The following KAZN variants were observed in gnomAD, a reference collection of about 807,000 sequenced individuals.
KAZN encodes the protein kazrin.
Under a neutral mutation model 87.4 loss-of-function variants are expected in KAZN, and 40 were observed. That is an observed-to-expected ratio of 0.46 (90% CI 0.36 to 0.60). The LOEUF is 0.60. Among genes scored for constraint, KAZN ranks in the 20% least tolerant of loss-of-function variants. The pLI is 0.00. For missense variants in KAZN, 898 were observed against 1,073.9 expected, an observed-to-expected ratio of 0.84 and a Z score of 2.29; for synonymous variants, 466 against 458.3, an observed-to-expected ratio of 1.02 and a Z score of -0.22.
intron 1 of KAZN, among the ~76,000 whole-genome samples, chr1:14,617,362 C>T (rs1387232930): frequency 6.6e-6 from 1 of 152,178 alleles, no homozygotes; most frequent in African/African-American, 2.4e-5. Flanking sequence ...GAAAAGTCTA[C>T]ATACCTTCAT....
chr1:14,371,991 AAAG>A (rs1445122128), intron 2 of KAZN, among the ~76,000 whole-genome samples: 2 of 152,238 alleles, frequency 1.3e-5, no homozygotes. Context: ...CTTTCTGCAA[AAAG>A]AAGAATCACT....
chr1:14,136,177 A>G (rs575321858), intron 1 of KAZN, among the ~76,000 whole-genome samples: 2 of 152,224 alleles, frequency 1.3e-5, no homozygotes, highest in East Asian at 1.9e-4. Context: ...CTGGGTGGCT[A>G]TTTGGTTTGT....
intron 1 of KAZN, among the ~76,000 whole-genome samples, chr1:14,085,734 C>T (rs1389119999): frequency 1.3e-5 from 2 of 152,128 alleles, no homozygotes; most frequent in African/African-American, 4.8e-5. Flanking sequence ...ACAAGTCTTT[C>T]TAGGTGGATA....
Position 14,856,980 on chromosome 1 carries a change from G to C in KAZN, c.227-103704G>C, listed in dbSNP as rs919059963. On this transcript the variant is annotated intron_variant, in intron 1 of 14. Coordinates refer to ENST00000376030, the MANE Select transcript of KAZN (RefSeq NM_201628.3). The surrounding 1 kb of genome is among the most constrained non-coding windows in gnomAD (Gnocchi z 5.2). ...CTGCAGAGGATAACAATTTGCACTCGAACAGGAGAACATGGGCATAAATGC... is the reference window on the plus strand; with the variant it reads ...CTGCAGAGGATAACAATTTGCACTCCAACAGGAGAACATGGGCATAAATGC... Among the ~76,000 whole-genome samples the C allele has an allele frequency of 6.6e-6, 1 of 152,118 alleles. No homozygotes were observed. The highest frequency in any genetic ancestry group is 6.5e-5 in the Admixed American group (1 of 15,282).
At chr1:14,610,222 G>C (rs1172354288) in intron 1 of KAZN, among the ~76,000 whole-genome samples, 1 of 152,034 alleles carries the variant, frequency 6.6e-6, no homozygotes, top group Non-Finnish European at 1.5e-5. Context: ...TTGTTTGTTT[G>C]TTTGAGACAG....
chr1:14,714,212 G>C (rs1480086307), intron 1 of KAZN, among the ~76,000 whole-genome samples: 2 of 152,128 alleles, frequency 1.3e-5, no homozygotes, highest in Non-Finnish European at 2.9e-5. Context: ...CCACCTCCCA[G>C]GTAGTGGCTG....
At chr1:14,597,253 G>A (rs1328470135), upstream of KAZN, among the ~76,000 whole-genome samples, 1 of 152,210 alleles carries the variant, frequency 6.6e-6, no homozygotes, top group Non-Finnish European at 1.5e-5. Flanking sequence ...ACAGAGTGAA[G>A]AATTGTGTCT....
At chr1:14,652,456 TG>T (rs1638450039) in intron 1 of KAZN, among the ~76,000 whole-genome samples, 1 of 38,750 alleles carries the variant, frequency 2.6e-5, no homozygotes, top group Non-Finnish European at 5.9e-5. Context: ...CCCACCCATC[TG>T]CCTATCCATC....
intron 1 of KAZN, among the ~76,000 whole-genome samples, chr1:14,134,981 A>T: frequency 1.2e-5 from 1 of 86,914 alleles, no homozygotes. Flanking sequence ...ACACACACAC[A>T]CACACACACA....
At chr1:14,818,281 C>A (rs1485810777) in intron 1 of KAZN, among the ~76,000 whole-genome samples, 1 of 152,174 alleles carries the variant, frequency 6.6e-6, no homozygotes, top group East Asian at 1.9e-4. Flanking sequence ...ATGTGTATTG[C>A]GAGTGTATAT....
chr1:14,055,003 G>A (rs112081867), intron 1 of KAZN, among the ~76,000 whole-genome samples: 8,067 of 152,180 alleles, frequency 0.053, 587 homozygotes, highest in African/African-American at 0.16. Context: ...ATAGGATGTT[G>A]AGCAGCATCT....
chr1:14,318,097 AT>A (rs1412654253), intron 2 of KAZN, among the ~76,000 whole-genome samples: 1 of 151,736 alleles, frequency 6.6e-6, no homozygotes, highest in East Asian at 1.9e-4. Flanking sequence ...TATTGTTTTC[AT>A]TTTAAACAGG....
chr1:14,711,764 G>A (rs886306099), intron 1 of KAZN, among the ~76,000 whole-genome samples: 6 of 152,138 alleles, frequency 3.9e-5, no homozygotes, highest in East Asian at 3.9e-4. Flanking sequence ...ATCCTCTTCC[G>A]CATGGAGCCG....
intron 1 of KAZN, among the ~76,000 whole-genome samples, chr1:13,932,964 G>C (rs1202971393): frequency 6.6e-6 from 1 of 152,098 alleles, no homozygotes; most frequent in African/African-American, 2.4e-5. Context: ...TTACAGAAAG[G>C]TTGCAAAAAT....
chr1:13,962,781 C>G (rs1317986514), intron 1 of KAZN, among the ~76,000 whole-genome samples: 1 of 152,210 alleles, frequency 6.6e-6, no homozygotes, highest in African/African-American at 2.4e-5. Context: ...TGGTCTTGAA[C>G]TCCTGACCTC....
intron 2 of KAZN, among the ~76,000 whole-genome samples, chr1:14,390,995 G>A (rs1449981922): frequency 6.6e-6 from 1 of 152,250 alleles, no homozygotes; most frequent in African/African-American, 2.4e-5. Flanking sequence ...TCGACTCAGA[G>A]TGAGGTGAAA....
At chr1:15,093,401 C>T (rs1375180951) in intron 8 of KAZN, among the ~76,000 whole-genome samples, 2 of 151,802 alleles carry the variant, frequency 1.3e-5, no homozygotes, top group East Asian at 1.9e-4. Flanking sequence ...GTTAAGGACG[C>T]GCGCCCAGGA....
At chr1:13,906,214 C>T (rs1639430823) in intron 1 of KAZN, among the ~76,000 whole-genome samples, 1 of 152,210 alleles carries the variant, frequency 6.6e-6, no homozygotes, top group African/African-American at 2.4e-5. Context: ...CAGCCCACTA[C>T]AGTACATTTC....
At chr1:14,476,131 C>T (rs1387860107) in intron 2 of KAZN, among the ~76,000 whole-genome samples, 1 of 152,152 alleles carries the variant, frequency 6.6e-6, no homozygotes, top group African/African-American at 2.4e-5. Flanking sequence ...CACAGGTGCA[C>T]ATTCGGACTG....
Sources: gnomAD v4.1 joint callset for allele counts (sites outside exome capture counted in the v4.1 genomes callset) on GRCh38, gnomAD v4.1.1 for gene constraint, Gnocchi (gnomAD v3.1) non-coding constraint, MANE v1.5 for transcripts, NCBI Gene and HGNC (gene_info 2026-07-23, HGNC 2026-07-21) for gene names.